ATG14: variants seen among roughly 807,000 people sequenced by gnomAD.
The protein encoded by ATG14 is beclin 1-associated autophagy-related key regulator.
A neutral mutation model predicts 60.4 loss-of-function variants in ATG14; 35 were observed. The observed-to-expected ratio is 0.58, with a 90% CI of 0.44 to 0.77. ATG14 has a LOEUF of 0.77. Among genes scored for constraint, ATG14 ranks in the 30% least tolerant of loss-of-function variants. ATG14 has a pLI of 0.00. For synonymous variants in ATG14, 234 were observed against 228.8 expected (o/e 1.02, Z -0.21); for missense variants, 647 against 626.3 (o/e 1.03, Z -0.35).
At chr14:55,382,425 C>A (rs1885052028) in intron 5 of ATG14, among the ~76,000 whole-genome samples, 1 of 152,138 alleles carries the variant, frequency 6.6e-6, no homozygotes, top group Admixed American at 6.5e-5. Context: ...CAGAGATACT[C>A]CTGCCTCAGC....
chr14:55,403,215 G>A (rs1885438941), intron 1 of ATG14, among the ~76,000 whole-genome samples: 1 of 151,940 alleles, frequency 6.6e-6, no homozygotes, highest in Admixed American at 6.6e-5. Flanking sequence ...TTAAAAAAAT[G>A]TGAAAGCAGT....
At chr14:55,372,782 T>C (rs1045421540) in intron 9 of ATG14, among the ~76,000 whole-genome samples, 1 of 152,080 alleles carries the variant, frequency 6.6e-6, no homozygotes, top group Admixed American at 6.5e-5. Context: ...TCTCCAATCC[T>C]GGGGTCTTAG....
chr14:55,406,731 C>G (rs1271084288), intron 1 of ATG14, among the ~76,000 whole-genome samples: 3 of 152,146 alleles, frequency 2.0e-5, no homozygotes, highest in Non-Finnish European at 2.9e-5. Context: ...AACTATTCTT[C>G]TTAAAGCACA....
chr14:55,369,737 G>A lies in ATG14; in HGVS notation c.1361C>T (p.Ser454Phe), dbSNP rs940692566. The change falls in exon 10 of 10, where the codon TCC becomes TTC. Residue 454 changes from serine (S) to phenylalanine (F), a missense_variant. By Grantham distance (155) the Ser-to-Phe change is radical. Transcript: ENST00000247178. ...GGACGCCTGGGTGCTCTGACTCTGG[G>A]AGACTTCCACAGACTGGGAAGGGAT... ...CDIPSQSVEV[S>F]QSQSTQASPP... 7 of 1,613,914 alleles carry A rather than the reference G, an allele frequency of 4.3e-6. No homozygotes were observed. The highest frequency in any genetic ancestry group is 5.9e-6 in the Non-Finnish European group (7 of 1,179,840).
intron 3 of ATG14, chr14:55,391,223 C>T (rs533593616): frequency 2.0e-5 from 7 of 344,698 alleles, no homozygotes; most frequent in East Asian, 7.8e-5. Flanking sequence ...CGCCTGTAAT[C>T]GCAGCACTTT....
In ATG14 at chr14:55,411,748, G is replaced by C. The variant is rs1267200023; in HGVS notation, c.75C>G (p.Asp25Glu). ...CCGCATCGTCCACGGAGTCCACCAG[G>C]TCCCGGGCGAGCGGCCGGGGCCCGC... ...PGCGPRPLAR[D>E]LVDSVDDAEG... Residue 25 changes from aspartate to glutamate, a missense_variant, in exon 1 of 10, where the codon GAC (aspartate) becomes GAG (glutamate). Asp to Glu is a conservative substitution (Grantham distance 45). Transcript: ENST00000247178. 6.2e-7 allele frequency: 1 copy of C among 1,609,702 alleles called. No individual in the cohort carries two copies. The highest frequency in any genetic ancestry group is 8.5e-7 in the Non-Finnish European group (1 of 1,178,474).
chr14:55,396,845 TC>T (rs924004834), intron 2 of ATG14, among the ~76,000 whole-genome samples: 2 of 150,626 alleles, frequency 1.3e-5, no homozygotes, highest in East Asian at 3.9e-4. Flanking sequence ...TTCCCACCAT[TC>T]CCCCCCACAA....
chr14:55,392,699 T>C (rs904036937), intron 3 of ATG14, among the ~76,000 whole-genome samples: 14 of 150,700 alleles, frequency 9.3e-5, no homozygotes, highest in Non-Finnish European at 1.8e-4. Flanking sequence ...AAAAGAATGA[T>C]TATTCTCTAA....
At chr14:55,406,682 G>C (rs1885496988) in intron 1 of ATG14, among the ~76,000 whole-genome samples, 1 of 152,128 alleles carries the variant, frequency 6.6e-6, no homozygotes. Flanking sequence ...CACCTTATTA[G>C]ATACTGGGCA....
At chr14:55,405,852 T>A (rs979365411) in intron 1 of ATG14, among the ~76,000 whole-genome samples, 5 of 144,044 alleles carry the variant, frequency 3.5e-5, no homozygotes, top group Middle Eastern at 3.6e-3. Context: ...GCCTTCAGTT[T>A]ACACTGAAGC....
chr14:55,397,453 A>G lies in ATG14; in HGVS notation c.222-19T>C, dbSNP rs375710925. The G allele has an allele frequency of 1.3e-6, 2 of 1,596,702 alleles. No individual in the cohort carries two copies. Among genetic ancestry groups the G allele is most frequent in the Admixed American group, 1.7e-5 (1 of 59,876 alleles). Reference sequence around the variant, plus strand: ...GATAAACCTGTAACAAAAAAATTCAATGTCTTATTTAAATGGTCATTTTTT... The same window carrying G: ...GATAAACCTGTAACAAAAAAATTCAGTGTCTTATTTAAATGGTCATTTTTT... On this transcript the variant is annotated intron_variant, in intron 1 of 9. Coordinates refer to ENST00000247178, the MANE Select transcript of ATG14 (RefSeq NM_014924.5).
chr14:55,405,891 G>GT (rs1173978924), intron 1 of ATG14, among the ~76,000 whole-genome samples: 7 of 151,910 alleles, frequency 4.6e-5, no homozygotes, highest in Non-Finnish European at 1.0e-4. Context: ...TGGGGTGGCG[G>GT]GGGGGGCAGG....
intron 1 of ATG14, among the ~76,000 whole-genome samples, 161 bp downstream of exon 1, chr14:55,411,441 G>A (rs1408989320): frequency 1.3e-5 from 2 of 152,222 alleles, no homozygotes; most frequent in Non-Finnish European, 2.9e-5. Flanking sequence ...CTGTCCTCTG[G>A]TAGCAAAGCT....
rs769011785 is a variant in ATG14, at chr14:55,390,937, C to T, written c.383G>A (p.Cys128Tyr). 2 of 1,603,722 alleles carry T rather than the reference C, an allele frequency of 1.2e-6. No homozygotes were observed. Among genetic ancestry groups the T allele is most frequent in the South Asian group, 1.1e-5 (1 of 89,344 alleles). The change falls in exon 4 of 10, where the codon TGT becomes TAT. Residue 128 changes from cysteine (C) to tyrosine (Y), a missense_variant. Coordinates refer to ENST00000247178, the MANE Select transcript of ATG14 (RefSeq NM_014924.5). Reference protein sequence around the residue: ...MRIEQLKQTICKGNEEMEKNS... With the variant: ...MRIEQLKQTIYKGNEEMEKNS... The stretch of plus-strand genomic sequence containing the variant: ...TTTCTCCATTTCTTCATTTCCTTTA[C>T]ATATTGTTTGTTTTAACTGTTCAAT...
At chr14:55,398,256 A>G (rs911618051) in intron 1 of ATG14, among the ~76,000 whole-genome samples, 1 of 151,980 alleles carries the variant, frequency 6.6e-6, no homozygotes, top group African/African-American at 2.4e-5. Context: ...CAGCATAGTT[A>G]TTATTTTCTA....
Position 55,369,792 on chromosome 14 carries a change from C to T in ATG14, c.1306G>A (p.Glu436Lys). Residue 436 changes from glutamate to lysine, a missense_variant, in exon 10 of 10, where the codon GAG becomes AAG. Coordinates refer to ENST00000247178, the MANE Select transcript of ATG14 (RefSeq NM_014924.5). Reference sequence around the variant, plus strand: ...CAAAACCGGGGACTAGGCAAGTTCTCCCAGTCTGTGCCCAGGTCGGTTTCT... The same window carrying T: ...CAAAACCGGGGACTAGGCAAGTTCTTCCAGTCTGTGCCCAGGTCGGTTTCT... Reference protein sequence around the residue: ...DEETDLGTDWENLPSPRFCDI... With the variant: ...DEETDLGTDWKNLPSPRFCDI... 4 of 1,614,180 alleles carry T rather than the reference C, an allele frequency of 2.5e-6. No homozygotes were observed. The highest frequency in any genetic ancestry group is 3.4e-6 in the Non-Finnish European group (4 of 1,180,030).
rs776962306 is a variant in ATG14, at chr14:55,390,592, C to T, written c.409+319G>A. On this transcript the variant is annotated intron_variant, in intron 4 of 9. Coordinates refer to ENST00000247178, the MANE Select transcript of ATG14 (RefSeq NM_014924.5). The stretch of plus-strand genomic sequence containing the variant: ...TTCACCATGTTAGTCAGGATGGTCT[C>T]GATCTCCTGACCTTGTGATCCGCCT... Among the ~76,000 whole-genome samples the T allele has an allele frequency of 3.3e-5, 5 of 151,646 alleles. No homozygotes were observed. The South Asian group carries it at 6.3e-4, about 19-fold the overall frequency.
At chr14:55,375,055 C>T (rs1884891930) in intron 9 of ATG14, among the ~76,000 whole-genome samples, 1 of 152,236 alleles carries the variant, frequency 6.6e-6, no homozygotes, top group African/African-American at 2.4e-5. Context: ...TTTTGCAACA[C>T]TGAGCCTTCT....
chr14:55,399,555 T>G (rs1445933556), intron 1 of ATG14, among the ~76,000 whole-genome samples: 1 of 152,238 alleles, frequency 6.6e-6, no homozygotes, highest in Non-Finnish European at 1.5e-5. Flanking sequence ...TCCAGAATAC[T>G]AAGAAATCTA....
Sources: gnomAD v4.1 joint callset for allele counts (sites outside exome capture counted in the v4.1 genomes callset) on GRCh38, gnomAD v4.1.1 for gene constraint, MANE v1.5 for transcripts, NCBI Gene and HGNC (gene_info 2026-07-23, HGNC 2026-07-21) for gene names.